The following PIWIL1 variants were observed in gnomAD, a reference collection of about 807,000 sequenced individuals.
The protein encoded by PIWIL1 is piwi like RNA-mediated gene silencing 1.
A neutral mutation model predicts 114.4 loss-of-function variants in PIWIL1; 73 were observed. The observed-to-expected ratio is 0.64, with a 90% CI of 0.53 to 0.78. PIWIL1 has a LOEUF of 0.78. Ranked by LOEUF, PIWIL1 falls within the 30% of genes least tolerant of loss-of-function variation. The probability of loss-of-function intolerance (pLI) is 0.00; values close to 1 mark genes in which losing one functional copy is unlikely to be tolerated. For missense variants in PIWIL1, 723 were observed against 1,063.1 expected, an observed-to-expected ratio of 0.68 and a Z score of 4.45; for synonymous variants, 375 against 369.0, an observed-to-expected ratio of 1.02 and a Z score of -0.19.
chr12:130,391,141 G>C, the PIWIL1 span, among the ~76,000 whole-genome samples: 4 of 152,344 alleles, frequency 2.6e-5, no homozygotes, highest in East Asian at 7.7e-4. Context: ...TTCCTCAGGA[G>C]TTGCTGATTT....
At chr12:130,363,303 A>G (rs535792409) in intron 18 of PIWIL1, among the ~76,000 whole-genome samples, 159 bp downstream of exon 18, 100 of 152,302 alleles carry the variant, frequency 6.6e-4, no homozygotes, top group African/African-American at 2.1e-3. Flanking sequence ...TTTCTATTGG[A>G]AATTTTTCAC....
chr12:130,390,398 C>T, the PIWIL1 span, among the ~76,000 whole-genome samples: 13 of 152,280 alleles, frequency 8.5e-5, no homozygotes, highest in African/African-American at 2.9e-4. Context: ...TGTCTCCCTT[C>T]AGAGCAGAGG....
At chr12:130,391,209 C>T in the PIWIL1 span, among the ~76,000 whole-genome samples, 2 of 152,352 alleles carry the variant, frequency 1.3e-5, no homozygotes, top group South Asian at 2.1e-4. Context: ...TGCTGAGCCC[C>T]GGCTTCTCGC....
the PIWIL1 span, chr12:130,406,098 T>C: frequency 3.1e-6 from 3 of 972,872 alleles, no homozygotes; most frequent in South Asian, 1.4e-5. Context: ...AGGAACGGAC[T>C]AGCAAAACAA....
the PIWIL1 span, chr12:130,414,544 G>T: frequency 4.1e-5 from 16 of 392,210 alleles, no homozygotes; most frequent in Non-Finnish European, 6.4e-5. Flanking sequence ...CATTGAGACA[G>T]GGCTGGGCCT....
the PIWIL1 span, chr12:130,406,305 A>T: frequency 8.9e-7 from 1 of 1,129,870 alleles, no homozygotes; most frequent in African/African-American, 1.6e-5. Context: ...GTTTTTTAAA[A>T]ATAAGTTCTC....
chr12:130,345,979 G>C, intron 4 of PIWIL1, 101 bp downstream of exon 4: 1 of 1,278,448 alleles, frequency 7.8e-7, no homozygotes, highest in Non-Finnish European at 1.1e-6. Context: ...CAAGGATCCT[G>C]CATGGCTTTT....
the PIWIL1 span, among the ~76,000 whole-genome samples, chr12:130,413,212 G>A: frequency 3.3e-5 from 5 of 152,264 alleles, no homozygotes; most frequent in African/African-American, 4.8e-5. Context: ...CATTCCGACC[G>A]TTCTCAAATG....
the PIWIL1 span, among the ~76,000 whole-genome samples, chr12:130,411,113 C>T: frequency 6.6e-5 from 10 of 152,260 alleles, no homozygotes; most frequent in South Asian, 2.1e-4. Flanking sequence ...TCATTGTAAA[C>T]GGCACTACTT....
chr12:130,420,415 T>C, the PIWIL1 span, among the ~76,000 whole-genome samples: 2 of 152,220 alleles, frequency 1.3e-5, no homozygotes, highest in African/African-American at 2.4e-5. The surrounding 1 kb of genome is among the most constrained non-coding windows in gnomAD (Gnocchi z 4.3). Context: ...GGTGTTGACA[T>C]AGATTTGCTC....
Position 130,338,399 on chromosome 12 carries a change from CAA to C in PIWIL1, c.-13+254_-13+255del, listed in dbSNP as rs1445911666. On this transcript the variant is annotated intron_variant, in intron 1 of 20. Transcript: ENST00000245255. ...GGGTGCGGGGGCGAGGTCCCAGGTG[CAA>C]GGGATGCAGGAGCCGGGTGCGGGGG... Among the ~76,000 whole-genome samples the C allele has an allele frequency of 1.4e-4, 5 of 35,784 alleles. 2 individuals are homozygous for C. The highest frequency in any genetic ancestry group is 3.2e-4 in the African/African-American group (4 of 12,674). 23.5% of individuals were successfully genotyped at this position (35,784 alleles called of 152,430 possible). A position where few individuals can be genotyped will look rare whatever the true frequency, so the allele number is the denominator to read the frequency against.
intron 16 of PIWIL1, among the ~76,000 whole-genome samples, chr12:130,362,245 G>A (rs548479449): frequency 6.6e-6 from 1 of 152,264 alleles, no homozygotes; most frequent in South Asian, 2.1e-4. Context: ...CCCCCAAGTA[G>A]GCCCTGGTGT....
At chr12:130,359,338 T>C (rs2073449699) in intron 14 of PIWIL1, among the ~76,000 whole-genome samples, 2 of 152,134 alleles carry the variant, frequency 1.3e-5, no homozygotes, top group African/African-American at 4.8e-5. Context: ...TGGTCCATAG[T>C]GGAAGAAAGT....
At chr12:130,405,491 C>T in the PIWIL1 span, among the ~76,000 whole-genome samples, 1 of 152,146 alleles carries the variant, frequency 6.6e-6, no homozygotes, top group East Asian at 1.9e-4. Context: ...CCTAAGTGGC[C>T]CTGTGGGCTT....
chr12:130,385,635 A>G, the PIWIL1 span, among the ~76,000 whole-genome samples: 1 of 152,218 alleles, frequency 6.6e-6, no homozygotes, highest in South Asian at 2.1e-4. Flanking sequence ...GGGCAGTTGC[A>G]TGCACATTCA....
chr12:130,355,242 C>T (rs1164331159), intron 11 of PIWIL1, among the ~76,000 whole-genome samples: 1 of 152,162 alleles, frequency 6.6e-6, no homozygotes, highest in African/African-American at 2.4e-5. Flanking sequence ...CTTCCATTAG[C>T]AAAAGGTGAC....
the PIWIL1 span, chr12:130,424,674 T>C: frequency 2.4e-6 from 3 of 1,231,826 alleles, no homozygotes; most frequent in Non-Finnish European, 3.0e-6. The surrounding 1 kb of genome is among the most constrained non-coding windows in gnomAD (Gnocchi z 9.8). Context: ...GGGCCTGGGC[T>C]CTCTGGCCAG....
intron 1 of PIWIL1, among the ~76,000 whole-genome samples, chr12:130,339,182 C>T (rs977514721): frequency 6.6e-6 from 1 of 152,066 alleles, no homozygotes; most frequent in Non-Finnish European, 1.5e-5. Flanking sequence ...GCGACCGCGA[C>T]GGCCGGGCTC....
In PIWIL1 at chr12:130,367,400, G is replaced by A. The variant is rs2073690482; in HGVS notation, c.2321+142G>A. 3.7e-6 allele frequency: 3 copies of A among 819,508 alleles called. No individual in the cohort carries two copies. The East Asian group carries it at 8.9e-5, about 24-fold the overall frequency. 50.8% of individuals were successfully genotyped at this position (819,508 alleles called of 1,614,324 possible). ...AACATTAATTTTTTCAACTAATTTG[G>A]TCAAACATAATTAATAAAGCCCATG... On this transcript the variant is annotated intron_variant, in intron 19 of 20. Transcript: ENST00000245255.
Sources: gnomAD v4.1 joint callset for allele counts (sites outside exome capture counted in the v4.1 genomes callset) on GRCh38, gnomAD v4.1.1 for gene constraint, Gnocchi (gnomAD v3.1) non-coding constraint, MANE v1.5 for transcripts, NCBI Gene and HGNC (gene_info 2026-07-23, HGNC 2026-07-21) for gene names.